Variants in ANKFN1 observed in about 807,000 individuals in gnomAD.
The protein encoded by ANKFN1 is ankyrin repeat and fibronectin type-III domain-containing protein 1.
In ANKFN1, 74 loss-of-function variants were observed where a neutral mutation model predicts 108.7. That is an observed-to-expected ratio of 0.68 (90% CI 0.56 to 0.83). ANKFN1 has a LOEUF of 0.83. ANKFN1 is among the 40% of genes least tolerant of loss of function. The pLI is 0.00. For synonymous variants in ANKFN1, 547 were observed against 516.2 expected (o/e 1.06, Z -0.81); for missense variants, 1,505 against 1,382.3 (o/e 1.09, Z -1.41).
At chr17:56,174,522 A>G (rs1004517769) in intron 1 of ANKFN1, 9 of 626,318 alleles carry the variant, frequency 1.4e-5, no homozygotes, top group Admixed American at 6.3e-5. Flanking sequence ...CCTTTGGGAC[A>G]GCCTCTCCCC....
chr17:56,287,932 G>A (rs2044260945), intron 3 of ANKFN1, among the ~76,000 whole-genome samples: 1 of 152,132 alleles, frequency 6.6e-6, no homozygotes, highest in South Asian at 2.1e-4. Flanking sequence ...TGATGGCTGG[G>A]CAGAGCACAA....
At chr17:56,229,748 T>C (rs1186048923) in intron 3 of ANKFN1, among the ~76,000 whole-genome samples, 2 of 151,462 alleles carry the variant, frequency 1.3e-5, no homozygotes, top group African/African-American at 2.4e-5. Context: ...GTTTGTTTTC[T>C]TTTCACATTT....
intron 8 of ANKFN1, among the ~76,000 whole-genome samples, chr17:56,398,816 C>T (rs1017984258): frequency 5.3e-5 from 8 of 151,988 alleles, no homozygotes; most frequent in Non-Finnish European, 1.0e-4. Flanking sequence ...CCCAGCTGCC[C>T]CATGTGATAT....
chr17:56,171,252 G>A (rs923853282), intron 1 of ANKFN1, among the ~76,000 whole-genome samples: 4 of 152,112 alleles, frequency 2.6e-5, no homozygotes, highest in African/African-American at 9.7e-5. Context: ...CCTTTTGAAG[G>A]AAGTGAGGGA....
intron 12 of ANKFN1, 140 bp downstream of exon 12, chr17:56,457,100 A>G: frequency 8.9e-7 from 1 of 1,126,768 alleles, no homozygotes; most frequent in Non-Finnish European, 1.3e-6. Context: ...TGTGTAAGAC[A>G]GTAATTTTCT....
intron 14 of ANKFN1, among the ~76,000 whole-genome samples, chr17:56,463,389 C>CA (rs1380472427): frequency 1.3e-5 from 2 of 151,252 alleles, no homozygotes; most frequent in Non-Finnish European, 2.9e-5. Flanking sequence ...TAGTAATTTA[C>CA]AAAAAAAGCA....
At chr17:56,484,462 T>A (rs1417090879) in intron 18 of ANKFN1, among the ~76,000 whole-genome samples, 1 of 152,228 alleles carries the variant, frequency 6.6e-6, no homozygotes, top group African/African-American at 2.4e-5. Context: ...AAGAATACTC[T>A]CATTGTTTTC....
chr17:56,352,863 A>G (rs966069457), intron 5 of ANKFN1, among the ~76,000 whole-genome samples: 1 of 152,226 alleles, frequency 6.6e-6, no homozygotes, highest in Non-Finnish European at 1.5e-5. Flanking sequence ...GTATCAGTAT[A>G]GAGTGAGAGC....
chr17:56,073,693 G>C (rs1237934224), intron 4 of ANKFN1, among the ~76,000 whole-genome samples: 1 of 152,114 alleles, frequency 6.6e-6, no homozygotes, highest in African/African-American at 2.4e-5. Flanking sequence ...TCAGTCCCTG[G>C]TGACCACCAA....
At chr17:56,406,033 A>G (rs1171658825) in intron 8 of ANKFN1, among the ~76,000 whole-genome samples, 1 of 152,066 alleles carries the variant, frequency 6.6e-6, no homozygotes, top group East Asian at 1.9e-4. Context: ...ATTTAATAAA[A>G]GGATCAAAAT....
chr17:56,458,123 G>A lies in ANKFN1; in HGVS notation c.1557+144G>A, dbSNP rs540682044. 18 of 668,796 alleles carry A rather than the reference G, an allele frequency of 2.7e-5. No homozygotes were observed. In the African/African-American group the frequency reaches 2.9e-4, roughly 11 times the overall value. The allele number at this position is 668,796 out of a possible 1,614,324, so 41.4% of individuals were successfully genotyped here. On this transcript the variant is annotated intron_variant, in intron 14 of 20. Transcript: ENST00000682825. ...GAATATGAAGTTTTCTTGAGCAGCT[G>A]GAGCTGCGTACCTGTAGGTATGCAG...
At chr17:56,189,357 A>C (rs2143681691) in intron 1 of ANKFN1, among the ~76,000 whole-genome samples, 1 of 148,948 alleles carries the variant, frequency 6.7e-6, no homozygotes, top group African/African-American at 2.5e-5. Context: ...TTTTTAGTAG[A>C]GACGGGGTTT....
At chr17:56,351,629 T>G (rs989435555) in intron 5 of ANKFN1, among the ~76,000 whole-genome samples, 1 of 152,186 alleles carries the variant, frequency 6.6e-6, no homozygotes, top group Non-Finnish European at 1.5e-5. Flanking sequence ...TGTTGATAAC[T>G]AAAAATGTCT....
At chr17:56,478,248 T>C (rs1265907971) in intron 16 of ANKFN1, among the ~76,000 whole-genome samples, 2 of 152,252 alleles carry the variant, frequency 1.3e-5, no homozygotes, top group Non-Finnish European at 2.9e-5. Context: ...GTAAAACCAC[T>C]GATGTTCAAT....
At chr17:56,316,715 A>G (rs1432559058) in intron 3 of ANKFN1, among the ~76,000 whole-genome samples, 1 of 152,168 alleles carries the variant, frequency 6.6e-6, no homozygotes, top group Non-Finnish European at 1.5e-5. Context: ...TGGAAGGAGG[A>G]GAGTTTTCTT....
chr17:56,416,696 C>T (rs188111341), intron 8 of ANKFN1, among the ~76,000 whole-genome samples: 231 of 152,278 alleles, frequency 1.5e-3, no homozygotes, highest in African/African-American at 4.9e-3. Flanking sequence ...CCGGCGATCC[C>T]GCTGCTAGAT....
In ANKFN1 at chr17:56,188,581, G is replaced by GTGTATATATATATA. The variant is rs1212242378; in HGVS notation, c.-70-24016_-70-24015insGTATATATATATAT. ...TGTGTGTATGTGTGTGTGTGTGTGT[G>GTGTATATATATATA]TATATATATATATATATATATATAT... On this transcript the variant is annotated intron_variant, in intron 1 of 20. Transcript: ENST00000682825. 6.1e-3 allele frequency among the ~76,000 whole-genome samples: 303 copies of GTGTATATATATATA among 49,574 alleles called. 8 individuals are homozygous for GTGTATATATATATA. Among genetic ancestry groups the GTGTATATATATATA allele is most frequent in the Non-Finnish European group, 8.4e-3 (249 of 29,562 alleles). The allele number at this position is 49,574 out of a possible 152,430, so 32.5% of individuals were successfully genotyped here.
chr17:56,316,451 T>A (rs1339071415), intron 3 of ANKFN1, among the ~76,000 whole-genome samples: 6 of 152,108 alleles, frequency 3.9e-5, no homozygotes, highest in Admixed American at 1.3e-4. Flanking sequence ...CCCACTCAAG[T>A]ATCATCTAAG....
intron 1 of ANKFN1, among the ~76,000 whole-genome samples, chr17:56,158,358 G>A (rs947698998): frequency 6.6e-6 from 1 of 152,164 alleles, no homozygotes; most frequent in African/African-American, 2.4e-5. Flanking sequence ...AAGAAGAAAA[G>A]CAATCTTAGC....
Sources: allele counts gnomAD v4.1 joint callset (sites outside exome capture counted in the v4.1 genomes callset), GRCh38; gene constraint gnomAD v4.1.1; transcripts MANE v1.5; gene names NCBI Gene and HGNC (gene_info 2026-07-23, HGNC 2026-07-21).